Variants in NEK11 observed in about 807,000 individuals in gnomAD.
NEK11 encodes serine/threonine-protein kinase Nek11.
Under a neutral mutation model 80.7 loss-of-function variants are expected in NEK11, and 72 were observed. That is an observed-to-expected ratio of 0.89 (90% confidence interval 0.74 to 1.08). The LOEUF (loss-of-function observed/expected upper bound fraction) is 1.08. Among genes scored for constraint, NEK11 ranks in the 50% least tolerant of loss-of-function variants. The pLI is 0.00. For synonymous variants in NEK11, 251 were observed against 260.7 expected, an observed-to-expected ratio of 0.96 and a Z score of 0.36; for missense variants, 764 against 763.6, an observed-to-expected ratio of 1.00 and a Z score of -0.01.
intron 17 of NEK11, among the ~76,000 whole-genome samples, chr3:131,336,910 A>G (rs950430312): frequency 3.3e-5 from 5 of 152,158 alleles, no homozygotes; most frequent in African/African-American, 1.2e-4. Context: ...CAAAACCACA[A>G]TGAGATACCA....
chr3:131,109,678 T>A (rs1319192622), intron 4 of NEK11, 125 bp from the exon 5 acceptor site: 12 of 950,802 alleles, frequency 1.3e-5, no homozygotes, highest in Non-Finnish European at 1.4e-5. Context: ...AGAATCTTTG[T>A]CAGTGATAAT....
intron 14 of NEK11, among the ~76,000 whole-genome samples, chr3:131,197,125 A>G (rs1419092957): frequency 6.6e-6 from 1 of 152,116 alleles, no homozygotes; most frequent in Non-Finnish European, 1.5e-5. Flanking sequence ...TTAAAGGTAG[A>G]AGCAGTCACC....
intron 14 of NEK11, among the ~76,000 whole-genome samples, chr3:131,186,749 G>T (rs2093617244): frequency 6.6e-6 from 1 of 152,124 alleles, no homozygotes; most frequent in Admixed American, 6.6e-5. Flanking sequence ...TGAGATTTAG[G>T]CCAAACTCAA....
chr3:131,059,732 C>T (rs1394528909), intron 3 of NEK11, among the ~76,000 whole-genome samples: 7 of 152,194 alleles, frequency 4.6e-5, no homozygotes, highest in African/African-American at 1.7e-4. Context: ...TTGACTTCCC[C>T]ATCTGCAACC....
At chr3:131,044,372 CAT>C (rs1204580367) in intron 3 of NEK11, among the ~76,000 whole-genome samples, 6 of 103,108 alleles carry the variant, frequency 5.8e-5, no homozygotes, top group Non-Finnish European at 1.1e-4. Context: ...CAAAGACAAA[CAT>C]AGGCTCAAAA....
rs2095271693 is a variant in NEK11, at chr3:131,228,892, GT to G, written c.1560+206del. ...ATTTGGAGAATCTGATCTGGACCAT[GT>G]TGATGGGGGAAGAACTGGAGCATGC... On this transcript the variant is annotated intron_variant, in intron 15 of 17. Transcript: ENST00000383366. Among the ~76,000 whole-genome samples, 3 of 152,212 alleles carry G rather than the reference GT, an allele frequency of 2.0e-5. No homozygotes were observed. In the South Asian group the frequency reaches 6.2e-4, roughly 32 times the overall value.
chr3:131,091,895 C>A (rs188151642), intron 4 of NEK11, among the ~76,000 whole-genome samples: 23 of 152,296 alleles, frequency 1.5e-4, no homozygotes, highest in African/African-American at 5.5e-4. Flanking sequence ...ATAGGATGGA[C>A]ACAAAAGCAA....
chr3:131,105,572 G>A (rs2079059105), intron 4 of NEK11, among the ~76,000 whole-genome samples: 1 of 152,222 alleles, frequency 6.6e-6, no homozygotes, highest in South Asian at 2.1e-4. Flanking sequence ...ATGTTGGAAG[G>A]CAAAGGAGAA....
At chr3:131,333,757 A>G (rs937690889) in intron 17 of NEK11, among the ~76,000 whole-genome samples, 1 of 152,232 alleles carries the variant, frequency 6.6e-6, no homozygotes, top group African/African-American at 2.4e-5. Context: ...GGCTCAAAAT[A>G]AAAGGATGGA....
chr3:131,331,780 C>T (rs1413730094), intron 17 of NEK11, among the ~76,000 whole-genome samples: 1 of 152,202 alleles, frequency 6.6e-6, no homozygotes, highest in Non-Finnish European at 1.5e-5. Flanking sequence ...GCTTTTCCGA[C>T]GGGCTTAAAA....
chr3:131,168,316 G>GCAGC (rs2092407666), intron 12 of NEK11, among the ~76,000 whole-genome samples: 1 of 151,794 alleles, frequency 6.6e-6, no homozygotes, highest in Admixed American at 6.6e-5. Context: ...AGTCCAGGGT[G>GCAGC]CAGCCTGAGA....
intron 15 of NEK11, among the ~76,000 whole-genome samples, chr3:131,242,771 T>C (rs2095538445): frequency 6.6e-6 from 1 of 152,156 alleles, no homozygotes; most frequent in African/African-American, 2.4e-5. Context: ...AATTAATACT[T>C]TTCCCAGATC....
At chr3:131,147,277 T>G (rs2088571194) in intron 7 of NEK11, among the ~76,000 whole-genome samples, 2 of 152,068 alleles carry the variant, frequency 1.3e-5, no homozygotes, top group Non-Finnish European at 2.9e-5. Flanking sequence ...GTACGTTTTT[T>G]TCTATATGAA....
chr3:131,127,682 G>T (rs1372283271), intron 5 of NEK11, among the ~76,000 whole-genome samples: 1 of 150,812 alleles, frequency 6.6e-6, no homozygotes, highest in South Asian at 2.1e-4. Context: ...TTATCTTTTG[G>T]TATGCCTGGT....
At chr3:131,200,670 C>T (rs529549308) in intron 14 of NEK11, among the ~76,000 whole-genome samples, 15 of 152,212 alleles carry the variant, frequency 9.9e-5, no homozygotes, top group Non-Finnish European at 1.9e-4. Flanking sequence ...AACCAAAACT[C>T]ACCAGATGCC....
Position 131,109,938 on chromosome 3 carries a change from C to T in NEK11, c.455+17C>T, listed in dbSNP as rs1167357481. 2 of 1,576,568 alleles carry T rather than the reference C, an allele frequency of 1.3e-6. No homozygotes were observed. The highest frequency in any genetic ancestry group is 1.4e-5 in the African/African-American group (1 of 72,466). On this transcript the variant is annotated intron_variant, in intron 5 of 17. Coordinates refer to ENST00000383366, the MANE Select transcript of NEK11 (RefSeq NM_024800.5). ...GCATGAGAGGTATGTTCATTTGCTA[C>T]TGGGGGAGCATGATATATTTTTAAC...
chr3:131,188,707 A>G (rs1197707461), intron 14 of NEK11, among the ~76,000 whole-genome samples: 1 of 152,154 alleles, frequency 6.6e-6, no homozygotes, highest in African/African-American at 2.4e-5. Context: ...TCAATCTTCA[A>G]CAAATATTTA....
intron 10 of NEK11, among the ~76,000 whole-genome samples, chr3:131,160,193 C>A (rs1326493742): frequency 6.6e-6 from 1 of 152,148 alleles, no homozygotes; most frequent in African/African-American, 2.4e-5. Flanking sequence ...GGTCAGGTCA[C>A]ATACAAAGGG....
chr3:131,215,963 T>C (rs1297813807), intron 14 of NEK11, among the ~76,000 whole-genome samples: 1 of 152,210 alleles, frequency 6.6e-6, no homozygotes, highest in African/African-American at 2.4e-5. Context: ...TATTCTATAA[T>C]TTTGTCACAG....
Sources: allele counts gnomAD v4.1 joint callset (sites outside exome capture counted in the v4.1 genomes callset), GRCh38; gene constraint gnomAD v4.1.1; transcripts MANE v1.5; gene names NCBI Gene and HGNC (gene_info 2026-07-23, HGNC 2026-07-21).